Variants in TAS2R1 observed in about 807,000 individuals in gnomAD.
TAS2R1 encodes taste 2 receptor member 1, also known as taste receptor type 2 member 1.
For missense variants in TAS2R1, 370 were observed against 353.4 expected, an observed-to-expected ratio of 1.05 and a Z score of -0.38; for synonymous variants, 141 against 134.2, an observed-to-expected ratio of 1.05 and a Z score of -0.35.
the TAS2R1 span, among the ~76,000 whole-genome samples, chr5:9,818,290 G>A: frequency 1.3e-5 from 2 of 152,206 alleles, no homozygotes; most frequent in Non-Finnish European, 2.9e-5. Context: ...ATTAGGACAA[G>A]AAACATTCTT....
chr5:9,730,222 G>T, the TAS2R1 span, among the ~76,000 whole-genome samples: 1 of 152,184 alleles, frequency 6.6e-6, no homozygotes, highest in Non-Finnish European at 1.5e-5. Flanking sequence ...AGGATCAGAC[G>T]GAAGCAAGAG....
At chr5:9,764,098 T>C in the TAS2R1 span, among the ~76,000 whole-genome samples, 3 of 152,236 alleles carry the variant, frequency 2.0e-5, no homozygotes, top group African/African-American at 4.8e-5. Flanking sequence ...GTTGTGTGTT[T>C]AACAGTCAGA....
At chr5:9,797,558 C>T in the TAS2R1 span, among the ~76,000 whole-genome samples, 30 of 152,174 alleles carry the variant, frequency 2.0e-4, no homozygotes, top group Middle Eastern at 0.01. Flanking sequence ...CCTACCCAGC[C>T]GAGGAATCAG....
At chr5:9,783,607 T>C in the TAS2R1 span, among the ~76,000 whole-genome samples, 1 of 152,278 alleles carries the variant, frequency 6.6e-6, no homozygotes, top group Non-Finnish European at 1.5e-5. Flanking sequence ...AAAATTTTCA[T>C]ACTGATTTCC....
At chr5:9,742,187 C>A in the TAS2R1 span, among the ~76,000 whole-genome samples, 1 of 152,150 alleles carries the variant, frequency 6.6e-6, no homozygotes, top group Admixed American at 6.5e-5. Flanking sequence ...GTCTGGCCTG[C>A]ACAAACAAGA....
At chr5:9,870,446 T>A in the TAS2R1 span, among the ~76,000 whole-genome samples, 1 of 152,202 alleles carries the variant, frequency 6.6e-6, no homozygotes, top group African/African-American at 2.4e-5. Flanking sequence ...AAGGTATACA[T>A]CCTTTGTCTC....
At chr5:9,682,132 T>C (rs1201723794) in intron 1 of TAS2R1, among the ~76,000 whole-genome samples, 1 of 152,200 alleles carries the variant, frequency 6.6e-6, no homozygotes, top group Non-Finnish European at 1.5e-5. Context: ...AGAGTATGTA[T>C]TACAAAGCTT....
chr5:9,849,908 T>C, the TAS2R1 span, among the ~76,000 whole-genome samples: 2 of 152,182 alleles, frequency 1.3e-5, no homozygotes, highest in Non-Finnish European at 2.9e-5. Context: ...TGACTAGCTC[T>C]CCTAGACCAA....
At position 9,629,096 on chromosome 5, in the gene TAS2R1, T is replaced by G; in HGVS notation, c.*37A>C. 1.3e-6 allele frequency: 2 copies of G among 1,503,500 alleles called. No homozygotes were observed. The highest frequency in any genetic ancestry group is 1.8e-6 in the Non-Finnish European group (2 of 1,128,284). 93.1% of individuals were successfully genotyped at this position (1,503,500 alleles called of 1,614,324 possible). A position where few individuals can be genotyped will look rare whatever the true frequency, so the allele number is the denominator to read the frequency against. On this transcript the variant is annotated 3_prime_UTR_variant, in exon 1 of 1. Coordinates refer to ENST00000382492, the MANE Select transcript of TAS2R1 (RefSeq NM_019599.3). ...AGTGTGGCAGGCATGGGTAAATCAT[T>G]GAATCATGGGTTCTTTGAACTGATC...
chr5:9,729,278 A>T, the TAS2R1 span, among the ~76,000 whole-genome samples: 23 of 152,052 alleles, frequency 1.5e-4, no homozygotes, highest in African/African-American at 5.5e-4. Flanking sequence ...ATGGGGGAGG[A>T]CGATGGTCCC....
the TAS2R1 span, among the ~76,000 whole-genome samples, chr5:9,787,682 G>A: frequency 6.6e-6 from 1 of 152,186 alleles, no homozygotes. Flanking sequence ...ACATCTGCGT[G>A]CTAAGCAACC....
At chr5:9,722,539 G>A in the TAS2R1 span, among the ~76,000 whole-genome samples, 2 of 152,160 alleles carry the variant, frequency 1.3e-5, no homozygotes, top group African/African-American at 4.8e-5. Context: ...GGTTGTTGTG[G>A]AGTATTATTC....
At chr5:9,736,245 A>G in the TAS2R1 span, among the ~76,000 whole-genome samples, 4 of 152,306 alleles carry the variant, frequency 2.6e-5, no homozygotes, top group South Asian at 4.1e-4. Context: ...TGAGATTTCA[A>G]TCTTCTCAGC....
the TAS2R1 span, among the ~76,000 whole-genome samples, chr5:9,733,113 T>C: frequency 1.3e-5 from 2 of 152,238 alleles, no homozygotes; most frequent in Non-Finnish European, 2.9e-5. Flanking sequence ...CTTGGATACA[T>C]TGACACATAA....
At chr5:9,883,399 T>C in the TAS2R1 span, 1 of 151,832 alleles carries the variant, frequency 6.6e-6, no homozygotes, top group South Asian at 2.1e-4. Context: ...AATAAATAAA[T>C]AAAAATAAAA....
At chr5:9,773,461 A>G in the TAS2R1 span, among the ~76,000 whole-genome samples, 23 of 152,154 alleles carry the variant, frequency 1.5e-4, no homozygotes, top group Non-Finnish European at 2.9e-4. Flanking sequence ...ACACACCACA[A>G]TTACACTGTT....
intron 2 of TAS2R1, among the ~76,000 whole-genome samples, chr5:9,642,747 T>C (rs1157660034): frequency 6.6e-6 from 1 of 152,218 alleles, no homozygotes; most frequent in African/African-American, 2.4e-5. Context: ...ATGCAATACA[T>C]TGAATTTAAG....
At chr5:9,847,838 G>A in the TAS2R1 span, among the ~76,000 whole-genome samples, 2 of 152,216 alleles carry the variant, frequency 1.3e-5, no homozygotes, top group African/African-American at 4.8e-5. Context: ...CACCAGTAGT[G>A]GAGGTCATCT....
At chr5:9,844,726 AT>A in the TAS2R1 span, among the ~76,000 whole-genome samples, 1 of 152,038 alleles carries the variant, frequency 6.6e-6, no homozygotes, top group Admixed American at 6.6e-5. Context: ...AGCTTTCAGC[AT>A]TTTTTTAGGC....
Sources: allele counts gnomAD v4.1 joint callset (sites outside exome capture counted in the v4.1 genomes callset), GRCh38; gene constraint gnomAD v4.1.1; transcripts MANE v1.5; gene names NCBI Gene and HGNC (gene_info 2026-07-23, HGNC 2026-07-21).